Variants in NKAIN3 observed in about 807,000 individuals in gnomAD.
The protein encoded by NKAIN3 is sodium/potassium transporting ATPase interacting 3.
NKAIN3 carries 25 observed loss-of-function variants against 30.2 expected under a neutral mutation model. That is an observed-to-expected ratio of 0.83 (90% CI 0.60 to 1.16). NKAIN3 has a LOEUF of 1.16. Ranked by LOEUF, NKAIN3 falls within the 50% of genes most tolerant of loss-of-function variation. The pLI is 0.00. For synonymous variants in NKAIN3, 91 were observed against 89.6 expected, an observed-to-expected ratio of 1.02 and a Z score of -0.09; for missense variants, 225 against 254.1, an observed-to-expected ratio of 0.89 and a Z score of 0.78.
intron 3 of NKAIN3, among the ~76,000 whole-genome samples, chr8:62,598,091 C>A (rs1810885496): frequency 6.6e-6 from 1 of 151,888 alleles, no homozygotes; most frequent in African/African-American, 2.4e-5. Context: ...TTTCAGTTTC[C>A]TTACTCCTTA....
chr8:62,933,361 C>T (rs1822681768), intron 5 of NKAIN3, among the ~76,000 whole-genome samples: 2 of 152,110 alleles, frequency 1.3e-5, no homozygotes, highest in African/African-American at 2.4e-5. Context: ...ACTTCAATGC[C>T]AGCAAGCATT....
intron 1 of NKAIN3, among the ~76,000 whole-genome samples, chr8:62,270,652 GA>G (rs564675441): frequency 6.6e-6 from 1 of 151,868 alleles, no homozygotes; most frequent in African/African-American, 2.4e-5. Flanking sequence ...ATTTCACAAA[GA>G]AAAAAAACCT....
chr8:62,289,529 G>A (rs1813510486), intron 1 of NKAIN3, among the ~76,000 whole-genome samples: 1 of 152,082 alleles, frequency 6.6e-6, no homozygotes, highest in South Asian at 2.1e-4. Context: ...TTTTTGTCAG[G>A]TTTGTCAAAG....
intron 3 of NKAIN3, among the ~76,000 whole-genome samples, chr8:62,746,528 A>T (rs1235015279): frequency 6.6e-6 from 1 of 152,266 alleles, no homozygotes; most frequent in Non-Finnish European, 1.5e-5. Flanking sequence ...AAATTCACTT[A>T]GAACAACATC....
intron 4 of NKAIN3, among the ~76,000 whole-genome samples, chr8:62,776,186 C>T (rs1301710431): frequency 6.6e-6 from 1 of 151,982 alleles, no homozygotes; most frequent in Non-Finnish European, 1.5e-5. Context: ...TTCTAGGGGT[C>T]TTATTTGTTG....
At chr8:62,838,862 T>G (rs1480115) in intron 4 of NKAIN3, among the ~76,000 whole-genome samples, 11,079 of 152,202 alleles carry the variant, frequency 0.073, 709 homozygotes, top group East Asian at 0.27. Flanking sequence ...ACTTGGACTC[T>G]TCTAATGGAA....
intron 1 of NKAIN3, among the ~76,000 whole-genome samples, chr8:62,432,300 A>G (rs1452299389): frequency 6.6e-6 from 1 of 152,054 alleles, no homozygotes; most frequent in Non-Finnish European, 1.5e-5. Flanking sequence ...TTTCCAGTGG[A>G]GAAGATCTTC....
Position 62,999,230 on chromosome 8 carries a change from G to A in NKAIN3, c.533-1G>A, listed in dbSNP as rs565334240. On this transcript the variant is annotated splice_acceptor_variant, in intron 5 of 5. Coordinates refer to the NKAIN3 transcript ENST00000519049. LOFTEE classifies it high-confidence loss of function. ...CAGTTTTTTGGCTCATGCTTCTGCA[G>A]GGTGTACAAGCAACATGGTGCCGGC... The A allele has an allele frequency of 6.6e-6, 1 of 152,342 alleles. No homozygotes were observed. The highest frequency in any genetic ancestry group is 1.9e-4 in the East Asian group (1 of 5,166). 9.4% of individuals were successfully genotyped at this position (152,342 alleles called of 1,614,324 possible). A position where few individuals can be genotyped will look rare whatever the true frequency, so the allele number is the denominator to read the frequency against.
intron 1 of NKAIN3, among the ~76,000 whole-genome samples, chr8:62,577,149 A>G (rs974758457): frequency 6.6e-6 from 1 of 151,982 alleles, no homozygotes; most frequent in Non-Finnish European, 1.5e-5. Context: ...TGTATTCTCG[A>G]TATGCTCCCT....
At chr8:62,925,624 T>A (rs1056627474) in intron 5 of NKAIN3, among the ~76,000 whole-genome samples, 2 of 152,134 alleles carry the variant, frequency 1.3e-5, no homozygotes, top group African/African-American at 2.4e-5. Flanking sequence ...GTGATGGTGG[T>A]CCTAACTGCC....
intron 1 of NKAIN3, among the ~76,000 whole-genome samples, chr8:62,417,014 A>G (rs1168605163): frequency 1.3e-5 from 2 of 151,128 alleles, no homozygotes. Context: ...ATTTATATAT[A>G]TATATATGAC....
intron 1 of NKAIN3, among the ~76,000 whole-genome samples, chr8:62,478,996 G>C (rs1585853202): frequency 6.6e-6 from 1 of 152,114 alleles, no homozygotes; most frequent in African/African-American, 2.4e-5. Flanking sequence ...CATTCACCTG[G>C]GGAGTAGGCA....
chr8:62,391,610 G>A (rs1817585447), intron 1 of NKAIN3, among the ~76,000 whole-genome samples: 1 of 151,990 alleles, frequency 6.6e-6, no homozygotes, highest in South Asian at 2.1e-4. Flanking sequence ...AGATTCTCTG[G>A]ATAAGAAATG....
intron 1 of NKAIN3, among the ~76,000 whole-genome samples, chr8:62,339,793 A>G (rs1815681748): frequency 6.6e-6 from 1 of 152,006 alleles, no homozygotes; most frequent in Non-Finnish European, 1.5e-5. Flanking sequence ...TATTTTTCTA[A>G]AGAAAGGATT....
intron 3 of NKAIN3, among the ~76,000 whole-genome samples, chr8:62,689,806 A>C (rs570796866): frequency 6.6e-6 from 1 of 152,220 alleles, no homozygotes; most frequent in African/African-American, 2.4e-5. Flanking sequence ...TCATCGAGTC[A>C]GATGAGTTTC....
At chr8:62,840,022 T>C (rs182463714) in intron 4 of NKAIN3, among the ~76,000 whole-genome samples, 10 of 152,282 alleles carry the variant, frequency 6.6e-5, no homozygotes, top group African/African-American at 2.4e-4. Flanking sequence ...AAATTTTCTT[T>C]TCATGCTTAT....
chr8:62,472,024 T>C (rs71513479), intron 1 of NKAIN3, among the ~76,000 whole-genome samples: 24,907 of 112,680 alleles, frequency 0.22, 2,239 homozygotes, highest in Admixed American at 0.24. Context: ...GGCAAGACTC[T>C]GTTTAAAAAA....
intron 4 of NKAIN3, among the ~76,000 whole-genome samples, chr8:62,793,598 A>C (rs181147014): frequency 2.2e-4 from 34 of 152,192 alleles, no homozygotes; most frequent in Admixed American, 1.6e-3. Context: ...TGACTGTGGG[A>C]ATAACATGGA....
At position 62,866,890 on chromosome 8, in the gene NKAIN3, CAAA is replaced by C. The variant is rs59832626; in HGVS notation, c.472-51550_472-51548del. Among the ~76,000 whole-genome samples, 367 of 125,882 alleles carry C rather than the reference CAAA, an allele frequency of 2.9e-3. 5 individuals are homozygous for C. The highest frequency in any genetic ancestry group is 3.4e-3 in the Non-Finnish European group (208 of 61,498). 82.6% of individuals were successfully genotyped at this position (125,882 alleles called of 152,430 possible). A position where few individuals can be genotyped will look rare whatever the true frequency, so the allele number is the denominator to read the frequency against. On this transcript the variant is annotated intron_variant, in intron 4 of 6. Transcript: ENST00000623646. ...TGAAACCCCGTCTCTACTAAAAATACAAAAAAAAAAAAAAATTGGCCGGGCTTG... is the reference window on the plus strand; with the variant it reads ...TGAAACCCCGTCTCTACTAAAAATACAAAAAAAAAAAATTGGCCGGGCTTG...
Sources: gnomAD v4.1 joint callset for allele counts (sites outside exome capture counted in the v4.1 genomes callset) on GRCh38, gnomAD v4.1.1 for gene constraint, MANE v1.5 for transcripts, NCBI Gene and HGNC (gene_info 2026-07-23, HGNC 2026-07-21) for gene names.